Variants in CILP observed in about 807,000 individuals in gnomAD.
CILP encodes cartilage intermediate layer protein.
A neutral mutation model predicts 82.5 loss-of-function variants in CILP; 75 were observed. The observed-to-expected ratio is 0.91, with a 90% CI of 0.75 to 1.10. The LOEUF (loss-of-function observed/expected upper bound fraction) is 1.10, where lower values mean the gene tolerates loss of function less well. Among genes scored for constraint, CILP ranks in the 50% least tolerant of loss-of-function variants. CILP has a pLI of 0.00. For missense variants in CILP, 1,479 were observed against 1,530.8 expected (o/e 0.97, Z 0.56); for synonymous variants, 530 against 580.3 (o/e 0.91, Z 1.25).
chr15:65,199,221 A>C, intron 8 of CILP, 122 bp from the exon 9 acceptor site: 1 of 670,846 alleles, frequency 1.5e-6, no homozygotes, highest in Non-Finnish European at 2.5e-6. Flanking sequence ...CATGATTCTC[A>C]TTCTCACAGA....
At chr15:65,202,132 T>C in intron 7 of CILP, 103 bp from the exon 8 acceptor site, 1 of 937,088 alleles carries the variant, frequency 1.1e-6, no homozygotes, top group Non-Finnish European at 1.5e-6. Flanking sequence ...GATGAATGGG[T>C]TCCCACAAAT....
At chr15:65,200,111 T>C (rs2088431240) in intron 8 of CILP, among the ~76,000 whole-genome samples, 1 of 152,230 alleles carries the variant, frequency 6.6e-6, no homozygotes, top group Non-Finnish European at 1.5e-5. Flanking sequence ...GTTTGTCTTC[T>C]CGTGTCAATG....
chr15:65,198,869 G>A lies in CILP; in HGVS notation c.1417C>T (p.Pro473Ser). 4 of 1,614,028 alleles carry A rather than the reference G, an allele frequency of 2.5e-6. No individual in the cohort carries two copies. The highest frequency in any genetic ancestry group is 3.4e-6 in the Non-Finnish European group (4 of 1,180,034). ...CTGCACTCCTTGGCCACCTTGGTGG[G>A]TAGCGTGTAGCCACTGCACTGGATC... ...REIQCSGYTL[P>S]TKVAKECSCQ... Residue 473 changes from proline to serine, a missense_variant, in exon 9 of 9, where the codon CCC (proline) becomes TCC (serine). By Grantham distance (74) the Pro-to-Ser change is moderately conservative. Transcript: ENST00000261883.
chr15:65,209,792 G>A lies in CILP; in HGVS notation c.-37C>T. On this transcript the variant is annotated 5_prime_UTR_variant, in exon 2 of 9. Coordinates refer to ENST00000261883, the MANE Select transcript of CILP (RefSeq NM_003613.4). Reference sequence around the variant, plus strand: ...GCCCGTGGGAACGTGGCAAGAGGTAGATGTGGGTGCTTCACAGAGTCACTG... The same window carrying A: ...GCCCGTGGGAACGTGGCAAGAGGTAAATGTGGGTGCTTCACAGAGTCACTG... 6.2e-7 allele frequency: 1 copy of A among 1,600,314 alleles called. No homozygotes were observed. The highest frequency in any genetic ancestry group is 1.7e-5 in the Admixed American group (1 of 59,966).
At position 65,198,376 on chromosome 15, in the gene CILP, G is replaced by C. The variant is rs1455346239; in HGVS notation, c.1910C>G (p.Ala637Gly). The C allele has an allele frequency of 1.2e-6, 2 of 1,614,254 alleles. No individual in the cohort carries two copies. Among genetic ancestry groups the C allele is most frequent in the Admixed American group, 3.3e-5 (2 of 60,030 alleles). The change falls in exon 9 of 9, where the codon GCT becomes GGT. Residue 637 changes from alanine (A) to glycine (G), a missense_variant. By Grantham distance (60) the Ala-to-Gly change is moderately conservative (BLOSUM62 0). Coordinates refer to ENST00000261883, the MANE Select transcript of CILP (RefSeq NM_003613.4). ...GATGAAGTTCAGGTCAGTCTGGGCA[G>C]CTGTGGCTGTGGAAATATTCCGGGG... ...LDPRNISTAT[A>G]AQTDLNFIND...
chr15:65,204,454 G>C lies in CILP; in HGVS notation c.733C>G (p.Leu245Val). 2 of 1,614,116 alleles carry C rather than the reference G, an allele frequency of 1.2e-6. No individual in the cohort carries two copies. Among genetic ancestry groups the C allele is most frequent in the East Asian group, 2.2e-5 (1 of 44,886 alleles). ...GAPASGAAIY[L>V]LTKTPKLLTQ... The stretch of plus-strand genomic sequence containing the variant: ...AGCAGCTTCGGCGTCTTGGTCAGGA[G>C]GTAGATAGCAGCCCCTGAGGCTGGG... The change falls in exon 6 of 9, where the codon CTC becomes GTC. Residue 245 changes from leucine (L) to valine (V), a missense_variant. Leu to Val is a conservative substitution (Grantham distance 32, BLOSUM62 1). Coordinates refer to ENST00000261883, the MANE Select transcript of CILP (RefSeq NM_003613.4).
In CILP at chr15:65,210,560, G is replaced by C. The variant is rs561548067; in HGVS notation, c.-106-699C>G. ...GGAGAGGAAAGCAGGCCTGGGACAAGGGCAAGGAACTATGGGGCGTGCGTG... is the reference window on the plus strand; with the variant it reads ...GGAGAGGAAAGCAGGCCTGGGACAACGGCAAGGAACTATGGGGCGTGCGTG... On this transcript the variant is annotated intron_variant, in intron 1 of 8. Coordinates refer to ENST00000261883, the MANE Select transcript of CILP (RefSeq NM_003613.4). Among the ~76,000 whole-genome samples, 462 of 152,350 alleles carry C rather than the reference G, an allele frequency of 3.0e-3. 1 individual carries two copies. The highest frequency in any genetic ancestry group is 5.3e-3 in the Non-Finnish European group (362 of 68,032).
At chr15:65,210,470 A>T (rs1434165955) in intron 1 of CILP, among the ~76,000 whole-genome samples, 1 of 151,848 alleles carries the variant, frequency 6.6e-6, no homozygotes, top group African/African-American at 2.4e-5. Flanking sequence ...AGCAGAGGGG[A>T]TGCATTGTGA....
At position 65,198,483 on chromosome 15, in the gene CILP, C is replaced by T. The variant is rs767434294; in HGVS notation, c.1803G>A (p.Leu601=). 2 of 1,614,232 alleles carry T rather than the reference C, an allele frequency of 1.2e-6. No homozygotes were observed. Among genetic ancestry groups the T allele is most frequent in the South Asian group, 2.2e-5 (2 of 91,086 alleles). ...EVVGEDPMAE[L]EIPSRSFYRQ... is the part of the protein sequence containing the mutation. Reference sequence around the variant, plus strand: ...TGTAGAAACTCCTGGATGGAATCTCCAGTTCAGCCATGGGGTCTTCACCAA... The same window carrying T: ...TGTAGAAACTCCTGGATGGAATCTCTAGTTCAGCCATGGGGTCTTCACCAA... Residue 601 remains leucine, a synonymous_variant, in exon 9 of 9, where the codon CTG becomes CTA. Coordinates refer to ENST00000261883, the MANE Select transcript of CILP (RefSeq NM_003613.4).
At position 65,195,686 on chromosome 15, in the gene CILP, C is replaced by G. The variant is rs1000890024; in HGVS notation, c.*1045G>C. 6.6e-6 allele frequency: 1 copy of G among 152,184 alleles called. No homozygotes were observed. The highest frequency in any genetic ancestry group is 1.5e-5 in the Non-Finnish European group (1 of 68,042). 9.4% of individuals were successfully genotyped at this position (152,184 alleles called of 1,614,324 possible). On this transcript the variant is annotated 3_prime_UTR_variant, in exon 9 of 9. Transcript: ENST00000261883. The stretch of plus-strand genomic sequence containing the variant: ...TGGGAGAGCCAAAGGACCACTTGGC[C>G]AGCTTGTCAGACCCTGGGCCAAGCC...
Position 65,198,830 on chromosome 15 carries a change from TAC to T in CILP, c.1454_1455del (p.Cys485TyrfsTer15), listed in dbSNP as rs2088414895. On this transcript the variant is annotated frameshift_variant, in exon 9 of 9. Transcript: ENST00000261883. LOFTEE classifies it high-confidence loss of function. Reference protein sequence around the residue: ...KVAKECSCQRCTETRSIVRGR... With the variant: ...KVAKECSCQRXTETRSIVRGR... ...CCCCGCACGATGCTCCGAGTTTCCG[TAC>T]ACCGCTGGCAGCTGCACTCCTTGGC... 1.1e-5 allele frequency: 17 copies of T among 1,614,062 alleles called. No homozygotes were observed. Among genetic ancestry groups the T allele is most frequent in the Non-Finnish European group, 1.4e-5 (16 of 1,180,044 alleles).
intron 7 of CILP, 111 bp from the exon 8 acceptor site, chr15:65,202,140 A>G: frequency 1.2e-6 from 1 of 865,088 alleles, no homozygotes; most frequent in Non-Finnish European, 1.7e-6. Context: ...GGTTCCCACA[A>G]ATGTCAATAT....
intron 8 of CILP, among the ~76,000 whole-genome samples, chr15:65,201,288 C>T (rs1019892869): frequency 2.6e-5 from 4 of 152,184 alleles, no homozygotes; most frequent in South Asian, 2.1e-4. Flanking sequence ...AGGTGTGAGC[C>T]GCCACACCTG....
rs569986336 is a variant in CILP at position 65,204,394 on chromosome 15, G to A, written c.793C>T (p.Pro265Ser). ...QTDSDGRFRI[P>S]GLCPDGKSIL... ...CTTTTGCCATCAGGGCACAAGCCAG[G>A]GATTCGGAATCTCCCATCACTGTCT... The change falls in exon 6 of 9, where the codon CCT becomes TCT. Residue 265 changes from proline (P) to serine (S), a missense_variant. By Grantham distance (74) the Pro-to-Ser change is moderately conservative. Transcript: ENST00000261883. 1.9e-6 allele frequency: 3 copies of A among 1,614,052 alleles called. No homozygotes were observed. The highest frequency in any genetic ancestry group is 2.7e-5 in the African/African-American group (2 of 74,916).
chr15:65,201,162 T>C (rs1325799804), intron 8 of CILP, among the ~76,000 whole-genome samples: 1 of 152,080 alleles, frequency 6.6e-6, no homozygotes, highest in Non-Finnish European at 1.5e-5. Context: ...CCACCATGCC[T>C]GGCTAATTTT....
chr15:65,210,355 A>G (rs990138940), intron 1 of CILP, among the ~76,000 whole-genome samples: 8 of 152,196 alleles, frequency 5.3e-5, no homozygotes, highest in Non-Finnish European at 1.0e-4. Flanking sequence ...TACCACCTCC[A>G]TGAACACATT....
rs764586702 is a variant in CILP at position 65,197,229 on chromosome 15, A to G, written c.3057T>C (p.Arg1019=). The G allele has an allele frequency of 4.1e-5, 66 of 1,613,956 alleles. No homozygotes were observed. Among genetic ancestry groups the G allele is most frequent in the Non-Finnish European group, 5.6e-5 (66 of 1,180,026 alleles). The change falls in exon 9 of 9, where the codon CGT becomes CGC. Residue 1019 remains arginine, a synonymous_variant. Coordinates refer to ENST00000261883, the MANE Select transcript of CILP (RefSeq NM_003613.4). ...TGACCTTCACCAGGGTGCGGTCCAC[A>G]CGGTCCTGATCATAGAGCATCCCAC... The part of the protein sequence containing the change: ...KCSGMLYDQD[R]VDRTLVKVIP...
chr15:65,202,834 CTT>C (rs10634666), intron 7 of CILP, among the ~76,000 whole-genome samples: 18 of 117,536 alleles, frequency 1.5e-4, no homozygotes, highest in Admixed American at 1.9e-4. Flanking sequence ...GGGACCACAG[CTT>C]TTTTTTTTTT....
At chr15:65,205,056 C>T (rs557409095) in intron 5 of CILP, among the ~76,000 whole-genome samples, 1 of 152,224 alleles carries the variant, frequency 6.6e-6, no homozygotes, top group Non-Finnish European at 1.5e-5. Flanking sequence ...CCCAAAACAC[C>T]TCCTCTAGGA....
Sources: gnomAD v4.1 joint callset for allele counts (sites outside exome capture counted in the v4.1 genomes callset) on GRCh38, gnomAD v4.1.1 for gene constraint, MANE v1.5 for transcripts, NCBI Gene and HGNC (gene_info 2026-07-23, HGNC 2026-07-21) for gene names.